ANTXRL: variants seen among roughly 807,000 people sequenced by gnomAD.
ANTXRL encodes the protein anthrax toxin receptor-like.
Under a neutral mutation model 75.4 loss-of-function variants are expected in ANTXRL, and 63 were observed. That is an observed-to-expected ratio of 0.84 (90% CI 0.68 to 1.03). The LOEUF (loss-of-function observed/expected upper bound fraction) is 1.03, where lower values mean the gene tolerates loss of function less well. Ranked by LOEUF, ANTXRL falls within the 50% of genes least tolerant of loss-of-function variation. The pLI, the probability that ANTXRL is intolerant of heterozygous loss-of-function variation, is 0.00. For missense variants in ANTXRL, 797 were observed against 789.4 expected (o/e 1.01, Z -0.12); for synonymous variants, 335 against 291.3 (o/e 1.15, Z -1.53).
chr10:46,293,278 GAGAGTGTGTGCGTGTGTGCC>G (rs781949795), intron 2 of ANTXRL, among the ~76,000 whole-genome samples: 3 of 31,410 alleles, frequency 9.6e-5, no homozygotes, highest in South Asian at 1.1e-3. Context: ...GTGCGTGTGT[GAGAGTGTGTGCGTGTGTGCC>G]TGTGTGTGTG....
At chr10:46,314,305 C>T (rs1838600768) in intron 16 of ANTXRL, among the ~76,000 whole-genome samples, 1 of 152,132 alleles carries the variant, frequency 6.6e-6, no homozygotes, top group Non-Finnish European at 1.5e-5. Context: ...TGTGCCTCTG[C>T]ACAGGGCTCT....
At chr10:46,299,547 A>G (rs1168411119) in intron 9 of ANTXRL, among the ~76,000 whole-genome samples, 3 of 152,054 alleles carry the variant, frequency 2.0e-5, no homozygotes, top group African/African-American at 7.3e-5. Context: ...CTTCATCACG[A>G]GAGGACATTA....
intron 16 of ANTXRL, among the ~76,000 whole-genome samples, chr10:46,328,037 CA>C (rs1362627049): frequency 1.3e-5 from 2 of 152,140 alleles, no homozygotes. Context: ...GATGCAGTTA[CA>C]GTCCTCATGC....
At chr10:46,321,878 C>T (rs1187634669) in intron 16 of ANTXRL, among the ~76,000 whole-genome samples, 1 of 152,022 alleles carries the variant, frequency 6.6e-6, no homozygotes, top group Non-Finnish European at 1.5e-5. Context: ...CCAAGGCAAC[C>T]CAATTGACTC....
At chr10:46,313,117 T>G in intron 15 of ANTXRL, 119 bp from the exon 16 acceptor site, 7 of 887,576 alleles carry the variant, frequency 7.9e-6, no homozygotes, top group Non-Finnish European at 8.9e-6. Flanking sequence ...CAGAGGGGGA[T>G]GGGAGCTTTG....
chr10:46,329,914 T>C lies in ANTXRL; in HGVS notation c.1726T>C (p.Cys576Arg). 1 of 1,535,906 alleles carries C rather than the reference T, an allele frequency of 6.5e-7. No homozygotes were observed. Among genetic ancestry groups the C allele is most frequent in the African/African-American group, 1.4e-5 (1 of 73,122 alleles). The change falls in exon 17 of 17, where the codon TGC becomes CGC. Residue 576 changes from cysteine (C) to arginine (R), a missense_variant. Physicochemically the swap from Cys to Arg is radical, Grantham distance 180 (BLOSUM62 -3). Around this residue, in one of 3 missense-constraint regions of ANTXRL, gnomAD observed 479 missense variants for 422.0 expected, o/e 1.14. Transcript: ENST00000620264. ...QAQTLCNPKS[C>R]LQPSRECLPL... ...ACAGACTCTGTGCAACCCAAAGAGC[T>C]GCCTTCAACCCAGCCGGGAGTGCCT...
Position 46,293,289 on chromosome 10 carries a change from CGTGTGTG to C in ANTXRL, c.321-539_321-533del, listed in dbSNP as rs1565014666. On this transcript the variant is annotated intron_variant, in intron 2 of 16. Coordinates refer to ENST00000620264, the MANE Select transcript of ANTXRL (RefSeq NM_001278688.3). The stretch of plus-strand genomic sequence containing the variant: ...ACCTGTGCGTGTGTGAGAGTGTGTG[CGTGTGTG>C]CCTGTGTGTGTGTGCGTGTGTGCCT... 8.1e-3 allele frequency among the ~76,000 whole-genome samples: 357 copies of C among 43,842 alleles called. 2 individuals carry two copies. Among genetic ancestry groups the C allele is most frequent in the African/African-American group, 0.022 (331 of 14,748 alleles). 28.8% of individuals were successfully genotyped at this position (43,842 alleles called of 152,430 possible). A position where few individuals can be genotyped will look rare whatever the true frequency, so the allele number is the denominator to read the frequency against.
rs1839392849 is a variant in ANTXRL, at chr10:46,329,638, G to T, written c.1450G>T (p.Ala484Ser). 6.5e-7 allele frequency: 1 copy of T among 1,536,444 alleles called. No homozygotes were observed. Among genetic ancestry groups the T allele is most frequent in the Admixed American group, 2.0e-5 (1 of 50,984 alleles). Residue 484 changes from alanine (A) to serine (S), a missense_variant, in exon 17 of 17, where the codon GCA (alanine) becomes TCA (serine). Physicochemically the swap from Ala to Ser is moderately conservative, Grantham distance 99. Transcript: ENST00000620264. ...LSLALAQSQY[A>S]QAPCCPRICF... ...CTTAGCCCTTGCACAGTCCCAATAT[G>T]CACAGGCTCCCTGCTGCCCAAGGAT...
At position 46,288,033 on chromosome 10, in the gene ANTXRL, G is replaced by A. The variant is rs148458310; in HGVS notation, c.248+523G>A. Among the ~76,000 whole-genome samples the A allele has an allele frequency of 6.0e-4, 91 of 152,174 alleles. No homozygotes were observed. The East Asian group carries it at 0.016, about 27-fold the overall frequency. The stretch of plus-strand genomic sequence containing the variant: ...TCTTCTGCAACTTGGAGAGCCACGC[G>A]ATAGTTCCTACACTTTCAGAACAGT... On this transcript the variant is annotated intron_variant, in intron 1 of 16. Coordinates refer to ENST00000620264, the MANE Select transcript of ANTXRL (RefSeq NM_001278688.3).
At chr10:46,327,109 G>C (rs1246446364) in intron 16 of ANTXRL, among the ~76,000 whole-genome samples, 3 of 152,134 alleles carry the variant, frequency 2.0e-5, no homozygotes, top group African/African-American at 7.2e-5. Context: ...GGCTGGGCTT[G>C]GGCGTGCAAC....
At chr10:46,295,663 C>T (rs1837333366) in intron 3 of ANTXRL, among the ~76,000 whole-genome samples, 2 of 150,636 alleles carry the variant, frequency 1.3e-5, no homozygotes, top group Admixed American at 1.3e-4. Context: ...CTCTCAGTTG[C>T]CCATCCCTGG....
intron 2 of ANTXRL, 114 bp downstream of exon 2, chr10:46,292,243 G>T (rs1837022871): frequency 8.4e-6 from 8 of 954,940 alleles, no homozygotes; most frequent in Non-Finnish European, 1.3e-5. Context: ...TTCAGTGGGG[G>T]ACACAGAGCA....
At chr10:46,318,459 T>C (rs1838837717) in intron 16 of ANTXRL, among the ~76,000 whole-genome samples, 1 of 152,060 alleles carries the variant, frequency 6.6e-6, no homozygotes, top group South Asian at 2.1e-4. Flanking sequence ...TTAGTGAAAA[T>C]TGTAATGAAA....
rs1226451642 is a variant in ANTXRL at position 46,328,624 on chromosome 10, CT to C, written c.1411-964del. On this transcript the variant is annotated intron_variant, in intron 16 of 16. Transcript: ENST00000620264. ...TTACAACTGAGCACATTGCCTCTCTCTTTTTTTTTTTAATTTTAAGTTCCGG... is the reference window on the plus strand; with the variant it reads ...TTACAACTGAGCACATTGCCTCTCTCTTTTTTTTTTAATTTTAAGTTCCGG... 1.3e-3 allele frequency among the ~76,000 whole-genome samples: 196 copies of C among 147,470 alleles called. 2 individuals carry two copies. Among genetic ancestry groups the C allele is most frequent in the East Asian group, 3.2e-3 (16 of 5,068 alleles).
chr10:46,313,271 A>C lies in ANTXRL; in HGVS notation c.1365A>C (p.Ala455=), dbSNP rs1838535599. ...NLDTFCDLSH[A]SCHQVPWMCC... is the part of the protein sequence containing the mutation. The stretch of plus-strand genomic sequence containing the variant: ...ATACCTTTTGTGACCTCTCTCACGC[A>C]AGCTGCCACCAGGTGCCATGGATGT... The change falls in exon 16 of 17, where the codon GCA becomes GCC. Residue 455 remains alanine (A), a synonymous_variant. Coordinates refer to ENST00000620264, the MANE Select transcript of ANTXRL (RefSeq NM_001278688.3). The C allele has an allele frequency of 6.5e-7, 1 of 1,535,744 alleles. No homozygotes were observed. The highest frequency in any genetic ancestry group is 8.7e-7 in the Non-Finnish European group (1 of 1,146,734).
intron 3 of ANTXRL, chr10:46,294,105 C>A (rs1431773306): frequency 1.7e-6 from 1 of 571,864 alleles, no homozygotes; most frequent in Admixed American, 3.3e-5. Context: ...ACCTGCAGGC[C>A]CCTGTGCTCC....
In ANTXRL at chr10:46,302,686, C is replaced by T. The variant is rs565564313; in HGVS notation, c.797-36C>T. 9.5e-6 allele frequency: 14 copies of T among 1,471,826 alleles called. No individual in the cohort carries two copies. The East Asian group carries it at 2.0e-4, about 21-fold the overall frequency. 91.2% of individuals were successfully genotyped at this position (1,471,826 alleles called of 1,614,324 possible). A position where few individuals can be genotyped will look rare whatever the true frequency, so the allele number is the denominator to read the frequency against. ...GTCAGAGGGGAGGCAGCCCCCTACT[C>T]TTCCTCACTCAGCCTTTTGAATGTT... On this transcript the variant is annotated intron_variant, in intron 9 of 16. Coordinates refer to ENST00000620264, the MANE Select transcript of ANTXRL (RefSeq NM_001278688.3).
chr10:46,300,607 G>C (rs1252620082), intron 9 of ANTXRL, among the ~76,000 whole-genome samples: 2 of 151,864 alleles, frequency 1.3e-5, no homozygotes, highest in Admixed American at 6.6e-5. Context: ...GCAGAGGTGG[G>C]ACCAGGTGGA....
rs1838539370 is a variant in ANTXRL at position 46,313,314 on chromosome 10, C to T, written c.1408C>T (p.Gln470Ter). ...VPWMCCQSRD[Q>*]GRYLSLALAQ... is the part of the protein sequence containing the mutation. ...ATGGATGTGTTGTCAGAGCAGGGAC[C>T]AGGTGAGCTAGGGCACAGGGACACA... is the stretch of plus-strand genomic sequence containing the variant. Residue 470 changes from glutamine (Q) to a stop codon, truncating the protein, a stop_gained and splice_region_variant, in exon 16 of 17, where the codon CAG becomes TAG. Transcript: ENST00000620264. LOFTEE classifies it high-confidence loss of function. The T allele has an allele frequency of 2.6e-6, 4 of 1,535,726 alleles. No individual in the cohort carries two copies. Among genetic ancestry groups the T allele is most frequent in the Middle Eastern group, 1.7e-4 (1 of 6,004 alleles).
Sources: allele counts gnomAD v4.1 joint callset (sites outside exome capture counted in the v4.1 genomes callset), GRCh38; gene constraint gnomAD v4.1.1; regional missense constraint gnomAD v4.1.1; transcripts MANE v1.5; gene names NCBI Gene and HGNC (gene_info 2026-07-23, HGNC 2026-07-21).